The following SCN7A variants were observed in gnomAD, a reference collection of about 807,000 sequenced individuals.
SCN7A encodes sodium voltage-gated channel alpha subunit 7.
Under a neutral mutation model 155.2 loss-of-function variants are expected in SCN7A, and 138 were observed. That is an observed-to-expected ratio of 0.89 (90% confidence interval 0.77 to 1.02). SCN7A has a LOEUF of 1.02. SCN7A is among the 50% of genes least tolerant of loss of function. SCN7A has a pLI of 0.00. For missense variants in SCN7A, 2,058 were observed against 1,986.6 expected, an observed-to-expected ratio of 1.04 and a Z score of -0.68; for synonymous variants, 693 against 649.0, an observed-to-expected ratio of 1.07 and a Z score of -1.03.
chr2:166,406,707 C>A, intron 25 of SCN7A, 61 bp from the exon 26 acceptor site: 1 of 1,133,414 alleles, frequency 8.8e-7, no homozygotes, highest in South Asian at 1.5e-5. Flanking sequence ...ATTTTGAGGA[C>A]TATAAATTAT....
At chr2:166,487,781 A>G (rs1257992237) in intron 1 of SCN7A, among the ~76,000 whole-genome samples, 2 of 152,258 alleles carry the variant, frequency 1.3e-5, no homozygotes, top group African/African-American at 2.4e-5. Context: ...ATATAAATTA[A>G]GAAAAATGAA....
At chr2:166,451,415 T>G (rs1249685603) in intron 11 of SCN7A, among the ~76,000 whole-genome samples, 5 of 152,180 alleles carry the variant, frequency 3.3e-5, no homozygotes, top group African/African-American at 1.2e-4. Context: ...CTGTGGATAT[T>G]TAAGAGCTAA....
chr2:166,458,654 T>C (rs1017499101), intron 10 of SCN7A, among the ~76,000 whole-genome samples: 2 of 152,178 alleles, frequency 1.3e-5, no homozygotes, highest in African/African-American at 2.4e-5. Context: ...TTACTGTATC[T>C]TTTATATGCC....
chr2:166,419,736 T>C (rs780094472), intron 20 of SCN7A, among the ~76,000 whole-genome samples: 1 of 152,134 alleles, frequency 6.6e-6, no homozygotes, highest in Non-Finnish European at 1.5e-5. Flanking sequence ...TTTGCCACCT[T>C]ATTTTGGTTT....
At chr2:166,418,430 C>A (rs1701438560) in intron 20 of SCN7A, among the ~76,000 whole-genome samples, 1 of 151,320 alleles carries the variant, frequency 6.6e-6, no homozygotes, top group Admixed American at 6.6e-5. Flanking sequence ...CTGTGCCTGG[C>A]CTCTCTTAAT....
chr2:166,493,073 T>C (rs192735022), intron 1 of SCN7A, among the ~76,000 whole-genome samples: 88 of 152,308 alleles, frequency 5.8e-4, no homozygotes, highest in African/African-American at 2.0e-3. Context: ...TAATTAAGGC[T>C]AGTCATAGCA....
intron 10 of SCN7A, 179 bp downstream of exon 10, chr2:166,462,210 A>G (rs1702429426): frequency 1.7e-6 from 1 of 592,566 alleles, no homozygotes; most frequent in Non-Finnish European, 2.8e-6. Flanking sequence ...AAGATATAAT[A>G]CACCTGGCAA....
At chr2:166,452,944 C>T (rs1702203999) in intron 11 of SCN7A, among the ~76,000 whole-genome samples, 2 of 152,074 alleles carry the variant, frequency 1.3e-5, no homozygotes, top group Admixed American at 6.6e-5. Context: ...TTTTAATTAT[C>T]CCTAAATATA....
At chr2:166,470,503 A>G (rs531262355) in intron 7 of SCN7A, 112 bp downstream of exon 7, 76 of 898,044 alleles carry the variant, frequency 8.5e-5, no homozygotes, top group Non-Finnish European at 1.1e-4. Context: ...CACTGGTTTC[A>G]AAGTGGAAAC....
Position 166,421,294 on chromosome 2 carries a change from ACACC to A in SCN7A, c.3028-1_3030del. 6.7e-7 allele frequency: 1 copy of A among 1,483,476 alleles called. No individual in the cohort carries two copies. Among genetic ancestry groups the A allele is most frequent in the South Asian group, 1.4e-5 (1 of 72,480 alleles). The allele number at this position is 1,483,476 out of a possible 1,614,324, so 91.9% of individuals were successfully genotyped here. A position where few individuals can be genotyped will look rare whatever the true frequency, so the allele number is the denominator to read the frequency against. On this transcript the variant is annotated splice_acceptor_variant and coding_sequence_variant, in exon 20 of 26. Coordinates refer to ENST00000643258, the MANE Select transcript of SCN7A (RefSeq NM_002976.4). LOFTEE classifies it high-confidence loss of function. ...GTTTTGCCTATTAAGCTAAGACAAA[ACACC>A]TATATATTTTTTTTAAAAAAAGAGT...
intron 1 of SCN7A, among the ~76,000 whole-genome samples, chr2:166,492,937 G>T (rs1033786205): frequency 6.6e-6 from 1 of 152,160 alleles, no homozygotes; most frequent in African/African-American, 2.4e-5. Context: ...ATCAAGTTTT[G>T]TAGTTCTAAA....
intron 25 of SCN7A, among the ~76,000 whole-genome samples, chr2:166,407,775 G>A (rs1306126651): frequency 6.6e-6 from 1 of 151,616 alleles, no homozygotes; most frequent in Non-Finnish European, 1.5e-5. Flanking sequence ...AACCCACCAG[G>A]ATACATGTGC....
chr2:166,422,096 T>C (rs1701522639), intron 19 of SCN7A, among the ~76,000 whole-genome samples: 1 of 152,078 alleles, frequency 6.6e-6, no homozygotes, highest in African/African-American at 2.4e-5. Flanking sequence ...ATAGTATGAT[T>C]TGGCTAGAGC....
At chr2:166,409,967 T>C (rs1218107212) in intron 24 of SCN7A, 32 bp from the exon 25 acceptor site, 2 of 1,499,862 alleles carry the variant, frequency 1.3e-6, no homozygotes. Context: ...GTAATAGTCT[T>C]ATTAATAGGA....
chr2:166,483,918 C>T (rs1025318485), intron 2 of SCN7A, among the ~76,000 whole-genome samples: 9 of 151,946 alleles, frequency 5.9e-5, no homozygotes, highest in South Asian at 4.2e-4. Flanking sequence ...CAACATATAT[C>T]TCAGGTGCAG....
chr2:166,476,720 G>A (rs1055157229), intron 3 of SCN7A, among the ~76,000 whole-genome samples: 7 of 151,770 alleles, frequency 4.6e-5, no homozygotes, highest in African/African-American at 7.3e-5. Flanking sequence ...CTCATATCTC[G>A]TAACTTGCAA....
rs778072833 is a variant in SCN7A, at chr2:166,457,084, A to G, written c.1084-8T>C. 1.7e-5 allele frequency: 27 copies of G among 1,578,114 alleles called. No individual in the cohort carries two copies. In the South Asian group the frequency reaches 3.0e-4, roughly 18 times the overall value. ...CCCAGAAGCATAAAGTATCTAAGGA[A>G]AGGTAGAAAGTAAGGCAAAAGAGTA... On this transcript the variant is annotated splice_polypyrimidine_tract_variant and splice_region_variant and intron_variant, in intron 10 of 25. Coordinates refer to ENST00000643258, the MANE Select transcript of SCN7A (RefSeq NM_002976.4).
intron 5 of SCN7A, among the ~76,000 whole-genome samples, chr2:166,473,519 A>G (rs1451305801): frequency 6.6e-6 from 1 of 151,582 alleles, no homozygotes; most frequent in Non-Finnish European, 1.5e-5. Context: ...GGTATGTCCT[A>G]GGAAAGAGAG....
chr2:166,477,837 T>C (rs1209656013), intron 2 of SCN7A, 127 bp from the exon 3 acceptor site: 1 of 537,712 alleles, frequency 1.9e-6, no homozygotes, highest in Non-Finnish European at 3.1e-6. Flanking sequence ...CTTAGTTTTG[T>C]AGAAATCTAA....
Sources: gnomAD v4.1 joint callset for allele counts (sites outside exome capture counted in the v4.1 genomes callset) on GRCh38, gnomAD v4.1.1 for gene constraint, MANE v1.5 for transcripts, NCBI Gene and HGNC (gene_info 2026-07-23, HGNC 2026-07-21) for gene names.